The following LRMDA variants were observed in gnomAD, a reference collection of about 807,000 sequenced individuals.
The protein encoded by LRMDA is leucine-rich melanocyte differentiation-associated protein.
LRMDA carries 18 observed loss-of-function variants against 29.8 expected under a neutral mutation model. The ratio of observed to expected loss-of-function variants is 0.60; its 90% CI spans 0.42 to 0.90. LRMDA has a LOEUF of 0.90. Among genes scored for constraint, LRMDA ranks in the 40% least tolerant of loss-of-function variants. LRMDA has a pLI of 0.00. For synonymous variants in LRMDA, 125 were observed against 109.4 expected (o/e 1.14, Z -0.89); for missense variants, 273 against 273.9 (o/e 1.00, Z 0.02).
chr10:75,880,666 G>A (rs1035781588), intron 2 of LRMDA, among the ~76,000 whole-genome samples: 3 of 152,204 alleles, frequency 2.0e-5, no homozygotes, highest in African/African-American at 7.2e-5. Context: ...CTTTGGGGCA[G>A]GGCAACCCAC....
intron 6 of LRMDA, among the ~76,000 whole-genome samples, chr10:76,364,179 T>TA (rs1841362079): frequency 6.6e-6 from 1 of 152,052 alleles, no homozygotes; most frequent in Non-Finnish European, 1.5e-5. Flanking sequence ...GTAGTATACA[T>TA]AAGGGCCTAG....
intron 2 of LRMDA, among the ~76,000 whole-genome samples, chr10:75,466,348 C>CTGGG (rs1339786552): frequency 5.3e-5 from 8 of 152,026 alleles, no homozygotes; most frequent in African/African-American, 1.9e-4. Flanking sequence ...TTGGTTTTTC[C>CTGGG]TGGGTCTGTA....
chr10:76,482,880 C>T (rs1385373923), intron 6 of LRMDA, among the ~76,000 whole-genome samples: 48 of 152,094 alleles, frequency 3.2e-4, no homozygotes, highest in Non-Finnish European at 5.0e-4. Flanking sequence ...TCTCCACATG[C>T]TCACTAATAC....
At chr10:75,818,525 C>G (rs758726047) in intron 2 of LRMDA, among the ~76,000 whole-genome samples, 1 of 152,212 alleles carries the variant, frequency 6.6e-6, no homozygotes, top group Admixed American at 6.5e-5. Flanking sequence ...ATTTTAGAAT[C>G]ACAGAGTCTC....
chr10:75,654,648 A>G lies in LRMDA; in HGVS notation c.131+216154A>G, dbSNP rs1004409320. Among the ~76,000 whole-genome samples the G allele has an allele frequency of 2.6e-5, 4 of 152,244 alleles. No homozygotes were observed. The East Asian group carries it at 7.7e-4, about 29-fold the overall frequency. Reference sequence around the variant, plus strand: ...TTAGGGTAAGTTTAGCACAAGAAGTAAAACCAAACCACAGTCATACACAGA... The same window carrying G: ...TTAGGGTAAGTTTAGCACAAGAAGTGAAACCAAACCACAGTCATACACAGA... On this transcript the variant is annotated intron_variant, in intron 2 of 6. Coordinates refer to ENST00000611255, the MANE Select transcript of LRMDA (RefSeq NM_001305581.2).
chr10:75,579,763 C>G (rs1206681109), intron 2 of LRMDA, among the ~76,000 whole-genome samples: 2 of 152,206 alleles, frequency 1.3e-5, no homozygotes, highest in African/African-American at 4.8e-5. Context: ...AAGGCTAGTT[C>G]AACATACGTG....
chr10:75,446,911 A>T (rs1844402895), intron 2 of LRMDA, among the ~76,000 whole-genome samples: 1 of 152,248 alleles, frequency 6.6e-6, no homozygotes, highest in African/African-American at 2.4e-5. Flanking sequence ...GTGGGTCTTC[A>T]TTAAATACTG....
chr10:76,256,913 T>A lies in LRMDA; in HGVS notation c.517-67488T>A, dbSNP rs1589397245. Among the ~76,000 whole-genome samples the A allele has an allele frequency of 9.8e-5, 15 of 152,322 alleles. No individual in the cohort carries two copies. The South Asian group carries it at 3.1e-3, about 32-fold the overall frequency. On this transcript the variant is annotated intron_variant, in intron 5 of 6. Transcript: ENST00000611255. Reference sequence around the variant, plus strand: ...GTCTCTAAAACCTTGGTAGCATATATTTCTGCATTTGAACAATATATTTGA... The same window carrying A: ...GTCTCTAAAACCTTGGTAGCATATAATTCTGCATTTGAACAATATATTTGA...
chr10:75,696,718 A>G (rs1244763213), intron 2 of LRMDA, among the ~76,000 whole-genome samples: 1 of 152,204 alleles, frequency 6.6e-6, no homozygotes, highest in Non-Finnish European at 1.5e-5. Flanking sequence ...AGTTCATAGC[A>G]TTGGAGAGGA....
At chr10:76,008,239 G>C (rs1423773472) in intron 2 of LRMDA, among the ~76,000 whole-genome samples, 1 of 152,168 alleles carries the variant, frequency 6.6e-6, no homozygotes, top group South Asian at 2.1e-4. Context: ...ATGGATCACA[G>C]TTTAGAAATG....
chr10:75,872,302 T>C lies in LRMDA; in HGVS notation c.132-163706T>C, dbSNP rs111682380. On this transcript the variant is annotated intron_variant, in intron 2 of 6. Transcript: ENST00000611255. ...TTCGTTCTATTCTCTCTCTCTCTCT[T>C]TTTTTTTTTAATTTTTGAGACGATG... 3.9e-4 allele frequency among the ~76,000 whole-genome samples: 56 copies of C among 143,468 alleles called. 1 individual carries two copies. In the South Asian group the frequency reaches 7.8e-3, roughly 20 times the overall value. The allele number at this position is 143,468 out of a possible 152,430, so 94.1% of individuals were successfully genotyped here. A position where few individuals can be genotyped will look rare whatever the true frequency, so the allele number is the denominator to read the frequency against.
chr10:75,897,128 C>A (rs1845596931), intron 2 of LRMDA, among the ~76,000 whole-genome samples: 1 of 152,108 alleles, frequency 6.6e-6, no homozygotes, highest in Non-Finnish European at 1.5e-5. Flanking sequence ...AACCAGTGGC[C>A]ATTCTTCCGC....
chr10:76,214,206 A>G (rs1207672408), intron 5 of LRMDA, among the ~76,000 whole-genome samples: 1 of 152,182 alleles, frequency 6.6e-6, no homozygotes, highest in Non-Finnish European at 1.5e-5. Flanking sequence ...CAGAAGTCAC[A>G]TAACGTTGTA....
chr10:75,448,761 T>A (rs1488693008), intron 2 of LRMDA, among the ~76,000 whole-genome samples: 2 of 152,144 alleles, frequency 1.3e-5, no homozygotes, highest in African/African-American at 4.8e-5. Flanking sequence ...CTTGATGAGC[T>A]TCATGATAAA....
intron 5 of LRMDA, among the ~76,000 whole-genome samples, chr10:76,084,298 A>G (rs1849097739): frequency 6.6e-6 from 1 of 150,960 alleles, no homozygotes; most frequent in South Asian, 2.1e-4. Flanking sequence ...CCCGAGTTCA[A>G]GCAATTCTCC....
At chr10:76,445,853 T>C (rs1414453394) in intron 6 of LRMDA, among the ~76,000 whole-genome samples, 3 of 152,164 alleles carry the variant, frequency 2.0e-5, no homozygotes, top group East Asian at 3.8e-4. Flanking sequence ...GAGAAAAATA[T>C]AATGTTACTC....
intron 5 of LRMDA, among the ~76,000 whole-genome samples, chr10:76,171,901 A>T (rs1850846104): frequency 6.6e-6 from 1 of 152,182 alleles, no homozygotes; most frequent in Non-Finnish European, 1.5e-5. Flanking sequence ...TAAAGCAAAG[A>T]GGTTTATTTG....
chr10:75,807,644 C>A (rs571459075), intron 2 of LRMDA, among the ~76,000 whole-genome samples: 2 of 152,020 alleles, frequency 1.3e-5, no homozygotes, highest in South Asian at 4.2e-4. Flanking sequence ...GAACAGTGGC[C>A]GAAAATGGCA....
At chr10:76,122,054 A>C (rs1472223646) in intron 5 of LRMDA, among the ~76,000 whole-genome samples, 1 of 152,194 alleles carries the variant, frequency 6.6e-6, no homozygotes, top group Non-Finnish European at 1.5e-5. Flanking sequence ...TCATGCTGTG[A>C]CATGTAGGAT....
Sources: allele counts gnomAD v4.1 joint callset (sites outside exome capture counted in the v4.1 genomes callset), GRCh38; gene constraint gnomAD v4.1.1; transcripts MANE v1.5; gene names NCBI Gene and HGNC (gene_info 2026-07-23, HGNC 2026-07-21).